The following NALF1 variants were observed in gnomAD, a reference collection of about 807,000 sequenced individuals.
NALF1 encodes the protein family with sequence similarity 155 member A.
A neutral mutation model predicts 48.4 loss-of-function variants in NALF1; 3 were observed. That is an observed-to-expected ratio of 0.06 (90% CI 0.03 to 0.16). The LOEUF (loss-of-function observed/expected upper bound fraction) is 0.16, where lower values mean the gene tolerates loss of function less well. NALF1 is among the 10% of genes least tolerant of loss of function. The probability of loss-of-function intolerance (pLI) is 1.00; values close to 1 mark genes in which losing one functional copy is unlikely to be tolerated. For missense variants in NALF1, 526 were observed against 571.5 expected, an observed-to-expected ratio of 0.92 and a Z score of 0.81; for synonymous variants, 262 against 245.7, an observed-to-expected ratio of 1.07 and a Z score of -0.62.
chr13:107,203,450 C>T (rs1030746244), intron 2 of NALF1, among the ~76,000 whole-genome samples: 2 of 152,198 alleles, frequency 1.3e-5, no homozygotes, highest in East Asian at 1.9e-4. Context: ...GAGGGCAGTG[C>T]GCATAGTCTG....
intron 2 of NALF1, among the ~76,000 whole-genome samples, chr13:107,191,833 AT>A (rs66566638): frequency 0.12 from 13,921 of 112,090 alleles, 560 homozygotes; most frequent in East Asian, 0.24. Flanking sequence ...CACTATGCCT[AT>A]TTTTTTTTTT....
At chr13:107,647,067 A>G (rs188243950) in intron 1 of NALF1, among the ~76,000 whole-genome samples, 73 of 152,220 alleles carry the variant, frequency 4.8e-4, no homozygotes, top group African/African-American at 1.7e-3. Context: ...ATAAATCAAA[A>G]GTTTGGAAAT....
chr13:107,802,841 G>C (rs988799686), intron 1 of NALF1, among the ~76,000 whole-genome samples: 1 of 152,094 alleles, frequency 6.6e-6, no homozygotes. Flanking sequence ...CATTTTATTA[G>C]TTTGAATGCT....
intron 1 of NALF1, among the ~76,000 whole-genome samples, chr13:107,364,249 T>C (rs1461617625): frequency 6.6e-6 from 1 of 152,240 alleles, no homozygotes; most frequent in Non-Finnish European, 1.5e-5. Context: ...TTTGATCTAA[T>C]CATCTTATAT....
At chr13:107,296,694 C>T (rs1043602786) in intron 1 of NALF1, among the ~76,000 whole-genome samples, 1 of 152,068 alleles carries the variant, frequency 6.6e-6, no homozygotes, top group African/African-American at 2.4e-5. Flanking sequence ...TAAGGAAAGA[C>T]TCAGCAGGCA....
rs138306483 is a variant in NALF1, at chr13:107,295,846, A to G, written c.916-85091T>C. Among the ~76,000 whole-genome samples, 9 of 152,384 alleles carry G rather than the reference A, an allele frequency of 5.9e-5. No homozygotes were observed. The East Asian group carries it at 1.7e-3, about 29-fold the overall frequency. On this transcript the variant is annotated intron_variant, in intron 1 of 2. Transcript: ENST00000375915. ...GTCAAAATCTGATTATTTTAAAAAAACACTACTTTAACAGTTTCTCAAAGC... is the reference window on the plus strand; with the variant it reads ...GTCAAAATCTGATTATTTTAAAAAAGCACTACTTTAACAGTTTCTCAAAGC...
intron 1 of NALF1, among the ~76,000 whole-genome samples, chr13:107,214,502 C>T (rs570056807): frequency 2.6e-5 from 4 of 152,044 alleles, no homozygotes; most frequent in Non-Finnish European, 5.9e-5. Context: ...AAAATGTGTG[C>T]GAGGTCTCTG....
intron 1 of NALF1, among the ~76,000 whole-genome samples, chr13:107,828,169 T>C (rs544962345): frequency 6.6e-6 from 1 of 152,324 alleles, no homozygotes; most frequent in African/African-American, 2.4e-5. Flanking sequence ...TATTAAGCCA[T>C]GCAATCTTAT....
At chr13:107,480,524 A>C (rs1310626270) in intron 1 of NALF1, among the ~76,000 whole-genome samples, 1 of 152,164 alleles carries the variant, frequency 6.6e-6, no homozygotes, top group Non-Finnish European at 1.5e-5. Flanking sequence ...GCCACAGTGA[A>C]AGAAGAATTG....
chr13:107,554,530 G>T (rs1877396160), intron 1 of NALF1, among the ~76,000 whole-genome samples: 1 of 152,124 alleles, frequency 6.6e-6, no homozygotes, highest in African/African-American at 2.4e-5. Context: ...GCAGCCCGGG[G>T]ACCCAGGGAG....
chr13:107,522,740 A>G (rs1341238204), intron 1 of NALF1, among the ~76,000 whole-genome samples: 1 of 151,894 alleles, frequency 6.6e-6, no homozygotes, highest in Non-Finnish European at 1.5e-5. Context: ...AGTAGCTGAG[A>G]TTACAGGTAT....
intron 1 of NALF1, among the ~76,000 whole-genome samples, chr13:107,673,617 A>G (rs1309478730): frequency 6.6e-6 from 1 of 152,190 alleles, no homozygotes; most frequent in Non-Finnish European, 1.5e-5. Context: ...TCTATGTTCT[A>G]CAGCACTGTA....
chr13:107,557,485 AGGTTT>A (rs1877515100), intron 1 of NALF1, among the ~76,000 whole-genome samples: 1 of 151,868 alleles, frequency 6.6e-6, no homozygotes, highest in Non-Finnish European at 1.5e-5. Context: ...TGTTGTTAGT[AGGTTT>A]GGCCTACTAA....
intron 1 of NALF1, among the ~76,000 whole-genome samples, chr13:107,709,029 C>T (rs3905078): frequency 0.9 from 136,291 of 152,274 alleles, 61,480 homozygotes; most frequent in East Asian, 1. Flanking sequence ...CAAATAACCA[C>T]AACGATAACA....
At chr13:107,797,098 G>A (rs774718136) in intron 1 of NALF1, among the ~76,000 whole-genome samples, 31 of 152,174 alleles carry the variant, frequency 2.0e-4, no homozygotes, top group Non-Finnish European at 3.4e-4. Context: ...GGAGGTGATC[G>A]TGTTTCCTTC....
rs1884547334 is a variant in NALF1, at chr13:107,440,898, C to CTTCG, written c.916-230147_916-230144dup. ...GCTTTTTAGTTATAATTTTCGGCAACTTCGGTATAAATAAACAAGACCGCC... is the reference window on the plus strand; with the variant it reads ...GCTTTTTAGTTATAATTTTCGGCAACTTCGTTCGGTATAAATAAACAAGACCGCC... On this transcript the variant is annotated intron_variant, in intron 1 of 2. Coordinates refer to ENST00000375915, the MANE Select transcript of NALF1 (RefSeq NM_001080396.3). Among the ~76,000 whole-genome samples, 8 of 152,196 alleles carry CTTCG rather than the reference C, an allele frequency of 5.3e-5. 1 individual carries two copies. The South Asian group carries it at 1.7e-3, about 32-fold the overall frequency.
chr13:107,192,516 C>T (rs190443671), intron 2 of NALF1, among the ~76,000 whole-genome samples: 3 of 152,138 alleles, frequency 2.0e-5, no homozygotes, highest in Admixed American at 1.3e-4. Flanking sequence ...AGCGCTTAAG[C>T]ACCCGTGGTA....
intron 1 of NALF1, among the ~76,000 whole-genome samples, chr13:107,333,566 T>C (rs912229899): frequency 6.6e-6 from 1 of 152,164 alleles, no homozygotes; most frequent in African/African-American, 2.4e-5. Context: ...TCCGTGAGTA[T>C]TGATGTGGGG....
chr13:107,468,386 G>A (rs1885043030), intron 1 of NALF1, among the ~76,000 whole-genome samples: 1 of 152,096 alleles, frequency 6.6e-6, no homozygotes, highest in South Asian at 2.1e-4. Flanking sequence ...GAAAGCTGGA[G>A]GAAAAATAGA....
Sources: allele counts gnomAD v4.1 joint callset (sites outside exome capture counted in the v4.1 genomes callset), GRCh38; gene constraint gnomAD v4.1.1; transcripts MANE v1.5; gene names NCBI Gene and HGNC (gene_info 2026-07-23, HGNC 2026-07-21).